Variants in CYP7B1 observed in about 807,000 individuals in gnomAD.
CYP7B1 encodes cytochrome P450 family 7 subfamily B member 1, also known as cytochrome P450 7B1.
In CYP7B1, 29 loss-of-function variants were observed where a neutral mutation model predicts 42.7. That is an observed-to-expected ratio of 0.68 (90% CI 0.51 to 0.93). CYP7B1 has a LOEUF of 0.93. Among genes scored for constraint, CYP7B1 ranks in the 40% least tolerant of loss-of-function variants. CYP7B1 has a pLI of 0.00. For missense variants in CYP7B1, 655 were observed against 600.5 expected, an observed-to-expected ratio of 1.09 and a Z score of -0.95; for synonymous variants, 235 against 218.2, an observed-to-expected ratio of 1.08 and a Z score of -0.68.
intron 1 of CYP7B1, among the ~76,000 whole-genome samples, chr8:64,667,164 A>C (rs1283866263): frequency 1.3e-5 from 2 of 152,242 alleles, no homozygotes; most frequent in African/African-American, 2.4e-5. Flanking sequence ...GGGAAAATAG[A>C]AGGAGGAAAG....
chr8:64,647,893 T>G (rs1227048694), intron 1 of CYP7B1, among the ~76,000 whole-genome samples: 1 of 152,160 alleles, frequency 6.6e-6, no homozygotes, highest in East Asian at 1.9e-4. Context: ...CCCAGTCAAG[T>G]TGACACATAA....
chr8:64,598,118 C>A (rs755981931), intron 5 of CYP7B1, among the ~76,000 whole-genome samples: 2 of 152,156 alleles, frequency 1.3e-5, no homozygotes, highest in African/African-American at 2.4e-5. Flanking sequence ...TAGAAAAATT[C>A]TCAGTAGTTC....
chr8:64,627,919 A>T (rs968378127), intron 1 of CYP7B1, among the ~76,000 whole-genome samples: 4 of 152,198 alleles, frequency 2.6e-5, no homozygotes, highest in African/African-American at 7.2e-5. Flanking sequence ...ATAATGATCG[A>T]GAAAGGCCTG....
At chr8:64,646,672 T>G (rs1321619327) in intron 1 of CYP7B1, among the ~76,000 whole-genome samples, 1 of 152,210 alleles carries the variant, frequency 6.6e-6, no homozygotes, top group Admixed American at 6.5e-5. Context: ...TCAATGATCA[T>G]AGTTAGATCT....
At chr8:64,719,610 T>G (rs1265372106) in intron 1 of CYP7B1, among the ~76,000 whole-genome samples, 1 of 152,214 alleles carries the variant, frequency 6.6e-6, no homozygotes, top group East Asian at 1.9e-4. Context: ...AAGGTTTTAT[T>G]TATTGGCTTT....
At chr8:64,754,121 G>A (rs1442171272) in intron 1 of CYP7B1, among the ~76,000 whole-genome samples, 3 of 152,230 alleles carry the variant, frequency 2.0e-5, no homozygotes, top group East Asian at 1.9e-4. Context: ...AGTGTGATTG[G>A]TGCCTGTACA....
intron 1 of CYP7B1, among the ~76,000 whole-genome samples, chr8:64,695,661 G>T (rs1585861715): frequency 8.7e-6 from 1 of 114,764 alleles, no homozygotes; most frequent in Non-Finnish European, 1.7e-5. Flanking sequence ...GACAGTTAAT[G>T]TGATTACTAT....
chr8:64,794,643 T>C (rs1804677185), intron 1 of CYP7B1, among the ~76,000 whole-genome samples: 1 of 152,202 alleles, frequency 6.6e-6, no homozygotes, highest in Non-Finnish European at 1.5e-5. Context: ...ATTGCCCTAA[T>C]GATCTAATTA....
chr8:64,651,337 A>G (rs1362663520), intron 1 of CYP7B1, among the ~76,000 whole-genome samples: 3 of 152,224 alleles, frequency 2.0e-5, no homozygotes, highest in African/African-American at 7.2e-5. Flanking sequence ...GGTGTGACTC[A>G]AAGATAATGT....
intron 1 of CYP7B1, among the ~76,000 whole-genome samples, chr8:64,724,027 T>G (rs1807285069): frequency 6.6e-6 from 1 of 152,034 alleles, no homozygotes; most frequent in Non-Finnish European, 1.5e-5. Flanking sequence ...GAACAGATCA[T>G]ATGCCCACAG....
At chr8:64,794,416 C>T (rs931557086) in intron 1 of CYP7B1, among the ~76,000 whole-genome samples, 1 of 152,156 alleles carries the variant, frequency 6.6e-6, no homozygotes, top group Non-Finnish European at 1.5e-5. Flanking sequence ...TGCAAAATAC[C>T]ATAAACTTAA....
At chr8:64,589,145 A>C (rs1805003813), downstream of CYP7B1, among the ~76,000 whole-genome samples, 2 of 152,206 alleles carry the variant, frequency 1.3e-5, 1 homozygote, top group Non-Finnish European at 2.9e-5. Context: ...TAGCTCACAC[A>C]CTCAAACTAT....
At chr8:64,666,369 A>C (rs1806279718) in intron 1 of CYP7B1, among the ~76,000 whole-genome samples, 1 of 152,228 alleles carries the variant, frequency 6.6e-6, no homozygotes, top group South Asian at 2.1e-4. Context: ...GAGGAAAAAT[A>C]AATGAAATAA....
At chr8:64,711,279 G>A (rs1807075454) in intron 1 of CYP7B1, among the ~76,000 whole-genome samples, 2 of 152,156 alleles carry the variant, frequency 1.3e-5, no homozygotes, top group Non-Finnish European at 2.9e-5. Flanking sequence ...CAGCAAACCA[G>A]TTCTCTATTT....
At chr8:64,724,383 G>A (rs550259652) in intron 1 of CYP7B1, among the ~76,000 whole-genome samples, 8 of 152,036 alleles carry the variant, frequency 5.3e-5, no homozygotes, top group Non-Finnish European at 1.0e-4. Flanking sequence ...CTGGCCTCGC[G>A]TGATCCACCC....
intron 1 of CYP7B1, among the ~76,000 whole-genome samples, chr8:64,732,461 T>A (rs2129633103): frequency 6.6e-6 from 1 of 152,288 alleles, no homozygotes; most frequent in South Asian, 2.1e-4. Flanking sequence ...GTACCCCCAT[T>A]GTATCTAGGA....
chr8:64,797,585 G>T (rs1427090122), intron 1 of CYP7B1, among the ~76,000 whole-genome samples: 1 of 152,142 alleles, frequency 6.6e-6, no homozygotes, highest in Non-Finnish European at 1.5e-5. Context: ...ATATTTGTAT[G>T]CAGTACAAAG....
At chr8:64,633,658 T>G (rs946987260) in intron 1 of CYP7B1, among the ~76,000 whole-genome samples, 4 of 152,092 alleles carry the variant, frequency 2.6e-5, no homozygotes, top group African/African-American at 9.7e-5. Context: ...TCTATGCACA[T>G]GGATAGGAAG....
intron 1 of CYP7B1, among the ~76,000 whole-genome samples, chr8:64,708,703 C>T (rs1012245646): frequency 6.6e-6 from 1 of 152,090 alleles, no homozygotes; most frequent in Non-Finnish European, 1.5e-5. Flanking sequence ...TGAAATATGG[C>T]TTAGATATCT....
Sources: allele counts gnomAD v4.1 joint callset (sites outside exome capture counted in the v4.1 genomes callset), GRCh38; gene constraint gnomAD v4.1.1; transcripts MANE v1.5; gene names NCBI Gene and HGNC (gene_info 2026-07-23, HGNC 2026-07-21).